CD300LF: variants seen among roughly 807,000 people sequenced by gnomAD.
CD300LF encodes CD300 molecule like family member f, also known as CMRF35-like molecule 1.
CD300LF carries 27 observed loss-of-function variants against 32.2 expected under a neutral mutation model. The observed-to-expected ratio is 0.84, with a 90% CI of 0.62 to 1.15. CD300LF has a LOEUF of 1.15. CD300LF is among the 50% of genes most tolerant of loss of function. The probability of loss-of-function intolerance (pLI) is 0.00; values close to 1 mark genes in which losing one functional copy is unlikely to be tolerated. For synonymous variants in CD300LF, 139 were observed against 143.2 expected (o/e 0.97, Z 0.21); for missense variants, 348 against 356.8 (o/e 0.98, Z 0.20).
chr17:74,697,951 G>T (rs2032659281), intron 4 of CD300LF, among the ~76,000 whole-genome samples: 1 of 152,118 alleles, frequency 6.6e-6, no homozygotes, highest in Non-Finnish European at 1.5e-5. Flanking sequence ...TGCATCCACT[G>T]GTGTGTTTGT....
chr17:74,711,892 C>T (rs1444529835), intron 1 of CD300LF, among the ~76,000 whole-genome samples: 6 of 145,582 alleles, frequency 4.1e-5, no homozygotes, highest in Non-Finnish European at 3.0e-5. Flanking sequence ...CTTTTTTTTT[C>T]TTTTTTCTTT....
At chr17:74,705,124 T>C (rs1017084722) in intron 1 of CD300LF, 2 of 678,184 alleles carry the variant, frequency 2.9e-6, no homozygotes, top group African/African-American at 3.5e-5. Context: ...TTTCAAGGAA[T>C]GTCCTTTTGC....
chr17:74,695,586 T>C, intron 6 of CD300LF, 139 bp downstream of exon 6: 1 of 1,259,008 alleles, frequency 7.9e-7, no homozygotes, highest in Non-Finnish European at 1.1e-6. Flanking sequence ...AGGCGAGTCC[T>C]GCAGTGACTA....
At chr17:74,706,284 T>A (rs200052858) in intron 1 of CD300LF, among the ~76,000 whole-genome samples, 4,776 of 141,018 alleles carry the variant, frequency 0.034, 137 homozygotes, top group African/African-American at 0.083. Flanking sequence ...AAAAAAAAAA[T>A]ATATATATAT....
In CD300LF at chr17:74,695,768, G is replaced by A. The variant is rs1365249666; in HGVS notation, c.674C>T (p.Ser225Phe). ...TTCCACCTGGTCAACCTGGGCAGAG[G>A]AAAGCTTCGTGGTAGCCTTTTGCGG... ...TSPQKATTKL[S>F]SAQVDQVEVE... The change falls in exon 6 of 7, where the codon TCC becomes TTC. Residue 225 changes from serine to phenylalanine, a missense_variant. Ser to Phe is a radical substitution (Grantham distance 155). Coordinates refer to ENST00000326165, the MANE Select transcript of CD300LF (RefSeq NM_139018.5). 1 of 1,614,204 alleles carries A rather than the reference G, an allele frequency of 6.2e-7. No individual in the cohort carries two copies. Among genetic ancestry groups the A allele is most frequent in the Non-Finnish European group, 8.5e-7 (1 of 1,180,026 alleles).
intron 3 of CD300LF, among the ~76,000 whole-genome samples, chr17:74,700,847 T>C (rs1332640102): frequency 6.6e-6 from 1 of 152,156 alleles, no homozygotes; most frequent in Middle Eastern, 3.2e-3. Flanking sequence ...TCCCACCCTT[T>C]AGTATCTCAG....
chr17:74,696,128 G>A, intron 5 of CD300LF, 67 bp downstream of exon 5: 1 of 1,550,738 alleles, frequency 6.4e-7, no homozygotes, highest in Non-Finnish European at 8.7e-7. Flanking sequence ...CCTTCTGAGA[G>A]ATGGAAAATG....
intron 1 of CD300LF, among the ~76,000 whole-genome samples, chr17:74,705,547 T>A (rs779373849): frequency 2.0e-5 from 3 of 152,204 alleles, no homozygotes; most frequent in Non-Finnish European, 4.4e-5. Flanking sequence ...AAGCAGGTAT[T>A]ATAGACAGTA....
chr17:74,709,065 A>C (rs946289588), intron 1 of CD300LF, among the ~76,000 whole-genome samples: 3 of 151,174 alleles, frequency 2.0e-5, no homozygotes, highest in African/African-American at 7.3e-5. Flanking sequence ...TCTACTAAAA[A>C]TTCAAAAAAT....
At chr17:74,710,074 G>A (rs2033834239) in intron 1 of CD300LF, among the ~76,000 whole-genome samples, 1 of 152,120 alleles carries the variant, frequency 6.6e-6, no homozygotes, top group Admixed American at 6.6e-5. Context: ...CGCCTCCCGG[G>A]TTCACGCCAT....
At chr17:74,707,491 G>C (rs2033612275) in intron 1 of CD300LF, among the ~76,000 whole-genome samples, 1 of 152,192 alleles carries the variant, frequency 6.6e-6, no homozygotes, top group Admixed American at 6.5e-5. Flanking sequence ...ACATTGGGTG[G>C]ATCATCTGAA....
intron 1 of CD300LF, among the ~76,000 whole-genome samples, chr17:74,707,783 C>T (rs1373990152): frequency 6.7e-6 from 1 of 150,260 alleles, no homozygotes; most frequent in Non-Finnish European, 1.5e-5. Context: ...AGTTAATAAA[C>T]CATGAATAAG....
chr17:74,705,718 C>T (rs2033451399), intron 1 of CD300LF, among the ~76,000 whole-genome samples: 1 of 152,118 alleles, frequency 6.6e-6, no homozygotes, highest in African/African-American at 2.4e-5. Context: ...CTTCAGCCTC[C>T]CAAGTAGCTG....
At chr17:74,710,655 T>A (rs2033881208) in intron 1 of CD300LF, among the ~76,000 whole-genome samples, 1 of 150,528 alleles carries the variant, frequency 6.6e-6, no homozygotes, top group Non-Finnish European at 1.5e-5. Context: ...GGTCAGGAGT[T>A]CGAGACCAGC....
At position 74,712,817 on chromosome 17, in the gene CD300LF, C is replaced by A; in HGVS notation, c.43+7G>T. On this transcript the variant is annotated splice_region_variant and intron_variant, in intron 1 of 6. Transcript: ENST00000326165. ...TTCCCCAAGAAGACAGACCCAGGCC[C>A]GCTCACCTGAGAGCCAGAAGAGGAG... is the stretch of plus-strand genomic sequence containing the variant. 1.9e-6 allele frequency: 3 copies of A among 1,613,962 alleles called. No individual in the cohort carries two copies. Among genetic ancestry groups the A allele is most frequent in the Non-Finnish European group, 2.5e-6 (3 of 1,179,938 alleles).
At chr17:74,702,621 A>T (rs1277338953) in intron 3 of CD300LF, among the ~76,000 whole-genome samples, 1 of 152,150 alleles carries the variant, frequency 6.6e-6, no homozygotes, top group Non-Finnish European at 1.5e-5. Flanking sequence ...AGTTGAACCA[A>T]GAGTCATCCC....
intron 1 of CD300LF, among the ~76,000 whole-genome samples, chr17:74,711,136 G>A (rs964107988): frequency 1.3e-5 from 2 of 152,124 alleles, no homozygotes; most frequent in Non-Finnish European, 2.9e-5. Context: ...TTTAGAAGAG[G>A]GAAACAGGGT....
At chr17:74,699,864 G>A (rs1031678310) in intron 3 of CD300LF, among the ~76,000 whole-genome samples, 14 of 152,148 alleles carry the variant, frequency 9.2e-5, no homozygotes, top group African/African-American at 3.4e-4. Flanking sequence ...CAACAGGCCA[G>A]GCACAGTGGC....
chr17:74,698,367 A>T lies in CD300LF; in HGVS notation c.559+2T>A, dbSNP rs1298902156. ...AGCCCAGCCTCACCCAGGTCCTCTCACCTTTCTGCTGGTACTTCATCATCC... is the reference window on the plus strand; with the variant it reads ...AGCCCAGCCTCACCCAGGTCCTCTCTCCTTTCTGCTGGTACTTCATCATCC... On this transcript the variant is annotated splice_donor_variant, in intron 4 of 6. Coordinates refer to ENST00000326165, the MANE Select transcript of CD300LF (RefSeq NM_139018.5). LOFTEE classifies it high-confidence loss of function. The T allele has an allele frequency of 1.9e-6, 3 of 1,607,978 alleles. No individual in the cohort carries two copies. The highest frequency in any genetic ancestry group is 2.6e-6 in the Non-Finnish European group (3 of 1,175,218).
Sources: gnomAD v4.1 joint callset for allele counts (sites outside exome capture counted in the v4.1 genomes callset) on GRCh38, gnomAD v4.1.1 for gene constraint, MANE v1.5 for transcripts, NCBI Gene and HGNC (gene_info 2026-07-23, HGNC 2026-07-21) for gene names.